The following PCBP2 variants were observed in gnomAD, a reference collection of about 807,000 sequenced individuals.
PCBP2 encodes poly(rC)-binding protein 2.
In PCBP2, 4 loss-of-function variants were observed where a neutral mutation model predicts 50.1. That is an observed-to-expected ratio of 0.08 (90% CI 0.04 to 0.18). The LOEUF (loss-of-function observed/expected upper bound fraction) is 0.18, where lower values mean the gene tolerates loss of function less well. PCBP2 is among the 10% of genes least tolerant of loss of function. PCBP2 has a pLI of 1.00. For synonymous variants in PCBP2, 179 were observed against 168.0 expected (o/e 1.07, Z -0.51); for missense variants, 161 against 474.3 (o/e 0.34, Z 6.14).
intron 10 of PCBP2, among the ~76,000 whole-genome samples, chr12:53,466,361 C>T (rs1325762045): frequency 6.6e-6 from 1 of 152,106 alleles, no homozygotes; most frequent in Non-Finnish European, 1.5e-5. Flanking sequence ...TGGGTTTGCC[C>T]TTGGGAACTC....
At chr12:53,465,865 T>C (rs2137069237) in intron 9 of PCBP2, 67 bp from the exon 10 acceptor site, 4 of 1,284,372 alleles carry the variant, frequency 3.1e-6, no homozygotes, top group East Asian at 2.4e-5. Flanking sequence ...TTGAAATGTC[T>C]TTTTCCCCCC....
At chr12:53,459,217 T>C in intron 5 of PCBP2, 55 bp from the exon 6 acceptor site, 2 of 1,505,292 alleles carry the variant, frequency 1.3e-6, no homozygotes, top group Non-Finnish European at 9.0e-7. Context: ...GGTTCTTTAA[T>C]GGCAGTTACT....
chr12:53,471,084 C>G (rs1942199907), intron 13 of PCBP2, among the ~76,000 whole-genome samples: 3 of 152,010 alleles, frequency 2.0e-5, no homozygotes, highest in East Asian at 1.9e-4. Context: ...GGTGGTCAGA[C>G]TGAAAAATGG....
rs796803021 is a variant in PCBP2 at position 53,470,412 on chromosome 12, C to CT, written c.883-1216dup. ...AAAAAAAAAAAAAAAAGTGTAGTGG[C>CT]TTTTTTTTTTGACAAAGGGTCTCCC... On this transcript the variant is annotated intron_variant, in intron 13 of 14. Coordinates refer to ENST00000546463, the MANE Select transcript of PCBP2 (RefSeq NM_031989.5). 1.8e-3 allele frequency among the ~76,000 whole-genome samples: 205 copies of CT among 117,036 alleles called. 3 individuals are homozygous for CT. The highest frequency in any genetic ancestry group is 2.8e-3 in the African/African-American group (93 of 33,682). 76.8% of individuals were successfully genotyped at this position (117,036 alleles called of 152,430 possible).
intron 6 of PCBP2, chr12:53,460,474 C>T (rs1046486930): frequency 2.4e-5 from 6 of 247,752 alleles, no homozygotes; most frequent in Non-Finnish European, 3.4e-5. Context: ...ATGGAAGTTA[C>T]GTTGAATTAT....
At chr12:53,475,304 G>C in intron 14 of PCBP2, 1 of 382,074 alleles carries the variant, frequency 2.6e-6, no homozygotes, top group Admixed American at 3.0e-5. Flanking sequence ...ACTATTGTGA[G>C]CTTGTTACCG....
chr12:53,469,220 T>G (rs779084655), intron 13 of PCBP2, among the ~76,000 whole-genome samples: 1 of 152,122 alleles, frequency 6.6e-6, no homozygotes, highest in Non-Finnish European at 1.5e-5. Flanking sequence ...CTGCTACTTT[T>G]AAGCCCTAGG....
At chr12:53,463,639 T>C (rs1427907474) in intron 8 of PCBP2, among the ~76,000 whole-genome samples, 6 of 152,194 alleles carry the variant, frequency 3.9e-5, no homozygotes, top group Non-Finnish European at 7.4e-5. Context: ...TGGATATTTG[T>C]TTCTATGGGG....
At chr12:53,461,204 A>G in intron 7 of PCBP2, 61 bp downstream of exon 7, 2 of 1,573,508 alleles carry the variant, frequency 1.3e-6, no homozygotes, top group Non-Finnish European at 1.7e-6. Context: ...AGAGGGACTG[A>G]TCTATATTTA....
chr12:53,452,591 C>T (rs1430726643), intron 1 of PCBP2, among the ~76,000 whole-genome samples: 1 of 151,646 alleles, frequency 6.6e-6, no homozygotes, highest in Non-Finnish European at 1.5e-5. Context: ...CCCCCTCCCC[C>T]CGCCTTTTCC....
At position 53,457,115 on chromosome 12, in the gene PCBP2, T is replaced by A. The variant is rs974568892; in HGVS notation, c.243+1114T>A. ...TCACCCAGGCTAGAGTGCAGTGATA[T>A]ACCTGTAGCTCTCTGCATCCTCCCA... On this transcript the variant is annotated intron_variant, in intron 5 of 14. Coordinates refer to ENST00000546463, the MANE Select transcript of PCBP2 (RefSeq NM_031989.5). Among the ~76,000 whole-genome samples the A allele has an allele frequency of 2.0e-5, 3 of 152,164 alleles. 1 individual carries two copies. In the East Asian group the frequency reaches 5.8e-4, roughly 29 times the overall value.
intron 6 of PCBP2, chr12:53,460,004 C>G (rs184643856): frequency 3.0e-6 from 1 of 334,858 alleles, no homozygotes; most frequent in Non-Finnish European, 6.4e-6. Flanking sequence ...AGCAATCCAC[C>G]CACCTCAGGC....
In PCBP2 at chr12:53,459,020, C is replaced by A. The variant is rs150540337; in HGVS notation, c.244-252C>A. Among the ~76,000 whole-genome samples the A allele has an allele frequency of 2.1e-3, 322 of 152,244 alleles. 1 individual carries two copies. Among genetic ancestry groups the A allele is most frequent in the African/African-American group, 7.5e-3 (313 of 41,526 alleles). ...CTGCAAAACAGATTATTACTTTTAT[C>A]CTTAGCAAGTACATTCCTTCAGGGT... On this transcript the variant is annotated intron_variant, in intron 5 of 14. Transcript: ENST00000546463.
intron 8 of PCBP2, among the ~76,000 whole-genome samples, chr12:53,464,228 T>A (rs1322710323): frequency 2.6e-5 from 4 of 152,152 alleles, no homozygotes; most frequent in African/African-American, 9.7e-5. Context: ...AGCAATCCTC[T>A]GTACTTAAAA....
intron 1 of PCBP2, chr12:53,452,936 C>G (rs1342973280): frequency 6.6e-6 from 1 of 151,840 alleles, no homozygotes; most frequent in African/African-American, 2.4e-5. Context: ...AAAGGGTAGA[C>G]GGGCTCCCAG....
intron 14 of PCBP2, among the ~76,000 whole-genome samples, chr12:53,479,202 C>T (rs1942881645): frequency 6.6e-6 from 1 of 152,086 alleles, no homozygotes. Context: ...GGGCTGTTTC[C>T]CTTGGTTCTG....
Position 53,481,068 on chromosome 12 carries a change from AC to A in PCBP2, c.*1627del, listed in dbSNP as rs1282333229. The A allele has an allele frequency of 2.4e-5, 9 of 367,972 alleles. No individual in the cohort carries two copies. The highest frequency in any genetic ancestry group is 3.3e-5 in the Non-Finnish European group (8 of 244,310). The allele number at this position is 367,972 out of a possible 1,614,324, so 22.8% of individuals were successfully genotyped here. A position where few individuals can be genotyped will look rare whatever the true frequency, so the allele number is the denominator to read the frequency against. On this transcript the variant is annotated 3_prime_UTR_variant, in exon 15 of 15. Transcript: ENST00000546463. ...GATCAGTCTCCCTCGAGCCTGACTT[AC>A]GGCTGGGACAGCCCCATCTTTCTGT...
intron 13 of PCBP2, 71 bp from the exon 14 acceptor site, chr12:53,471,567 G>A: frequency 7.3e-7 from 1 of 1,373,500 alleles, no homozygotes; most frequent in Non-Finnish European, 9.8e-7. Context: ...ATTTGGGGTG[G>A]GGGGGTGGGA....
In PCBP2 at chr12:53,457,364, T is replaced by A. The variant is rs571670565; in HGVS notation, c.243+1363T>A. ...ACCATGCCCAGCCTGGAATTTATTT[T>A]TTTATTTTTTTATTTTTTGAGACAG... On this transcript the variant is annotated intron_variant, in intron 5 of 14. Transcript: ENST00000546463. Among the ~76,000 whole-genome samples, 6 of 151,218 alleles carry A rather than the reference T, an allele frequency of 4.0e-5. No individual in the cohort carries two copies. In the East Asian group the frequency reaches 5.9e-4, roughly 15 times the overall value.
Sources: gnomAD v4.1 joint callset for allele counts (sites outside exome capture counted in the v4.1 genomes callset) on GRCh38, gnomAD v4.1.1 for gene constraint, MANE v1.5 for transcripts, NCBI Gene and HGNC (gene_info 2026-07-23, HGNC 2026-07-21) for gene names.